Variants in LPAR1 observed in about 807,000 individuals in gnomAD.
The protein encoded by LPAR1 is LPA receptor 1.
LPAR1 carries 5 observed loss-of-function variants against 23.8 expected under a neutral mutation model. The ratio of observed to expected loss-of-function variants is 0.21; its 90% confidence interval spans 0.11 to 0.44. The LOEUF (loss-of-function observed/expected upper bound fraction) is 0.44, where lower values mean the gene tolerates loss of function less well. Ranked by LOEUF, LPAR1 falls within the 20% of genes least tolerant of loss-of-function variation. LPAR1 has a pLI of 0.99. For missense variants in LPAR1, 311 were observed against 482.8 expected (o/e 0.64, Z 3.33); for synonymous variants, 160 against 164.7 (o/e 0.97, Z 0.22).
chr9:110,874,664 A>T lies in LPAR1; in HGVS notation c.*757T>A, dbSNP rs183610277. On this transcript the variant is annotated 3_prime_UTR_variant, in exon 6 of 6. Transcript: ENST00000683809. ...ATCTTCTATGACTTTTTTGGAATAC[A>T]TATCACTTTGGTAATAAACTTACAT... is the stretch of plus-strand genomic sequence containing the variant. The T allele has an allele frequency of 1.3e-5, 2 of 152,742 alleles. No homozygotes were observed. Among genetic ancestry groups the T allele is most frequent in the East Asian group, 1.9e-4 (1 of 5,194 alleles). 9.5% of individuals were successfully genotyped at this position (152,742 alleles called of 1,614,324 possible).
chr9:110,913,762 G>T (rs2092743454), intron 5 of LPAR1, among the ~76,000 whole-genome samples: 1 of 152,174 alleles, frequency 6.6e-6, no homozygotes, highest in Non-Finnish European at 1.5e-5. Context: ...TAGGGTAAGA[G>T]ATTTCTGCTT....
chr9:110,991,526 C>G (rs994987999), intron 2 of LPAR1, among the ~76,000 whole-genome samples: 2 of 152,082 alleles, frequency 1.3e-5, no homozygotes, highest in Non-Finnish European at 2.9e-5. Context: ...TGTATATAAA[C>G]TGTGAGCTGA....
intron 4 of LPAR1, among the ~76,000 whole-genome samples, chr9:110,955,958 T>C (rs1477032647): frequency 6.6e-6 from 1 of 151,528 alleles, no homozygotes; most frequent in Non-Finnish European, 1.5e-5. Context: ...ACTAGAAAGA[T>C]TTCCAATAAA....
At chr9:110,957,475 C>A (rs79899107) in intron 4 of LPAR1, among the ~76,000 whole-genome samples, 1 of 151,764 alleles carries the variant, frequency 6.6e-6, no homozygotes, top group Non-Finnish European at 1.5e-5. Flanking sequence ...ATTAACAGAA[C>A]GAAGAATAAA....
At chr9:110,991,579 T>TTTGTTGTTGTTGTTGTTGTTG (rs199560980) in intron 2 of LPAR1, among the ~76,000 whole-genome samples, 1 of 72,934 alleles carries the variant, frequency 1.4e-5, no homozygotes, top group South Asian at 5.1e-4. Flanking sequence ...TCTGGTTTGT[T>TTTGTTGTTGTTGTTGTTGTTG]TTGTTGTTGT....
At chr9:110,922,831 T>TATTATTATTATTATA (rs2093725971) in intron 5 of LPAR1, among the ~76,000 whole-genome samples, 2 of 143,954 alleles carry the variant, frequency 1.4e-5, no homozygotes, top group Non-Finnish European at 3.0e-5. Flanking sequence ...ATTATATTAT[T>TATTATTATTATTATA]ATTATTATTA....
At chr9:111,004,583 C>T (rs537489777) in intron 2 of LPAR1, among the ~76,000 whole-genome samples, 1 of 152,278 alleles carries the variant, frequency 6.6e-6, no homozygotes, top group Non-Finnish European at 1.5e-5. Context: ...ATTAATCACT[C>T]GTTTTAATTT....
At chr9:110,992,240 C>T (rs374702698) in intron 2 of LPAR1, among the ~76,000 whole-genome samples, 2 of 151,972 alleles carry the variant, frequency 1.3e-5, no homozygotes, top group African/African-American at 4.8e-5. Flanking sequence ...AGATAATATA[C>T]GGATGGCAGA....
chr9:110,910,039 A>G (rs1588267723), intron 5 of LPAR1, among the ~76,000 whole-genome samples: 1 of 152,230 alleles, frequency 6.6e-6, no homozygotes, highest in African/African-American at 2.4e-5. Flanking sequence ...ATGAGCCACC[A>G]CATCTGGCCC....
intron 5 of LPAR1, among the ~76,000 whole-genome samples, chr9:110,894,859 T>TAAA (rs146716017): frequency 6.9e-6 from 1 of 144,108 alleles, no homozygotes; most frequent in Admixed American, 7.0e-5. Context: ...CCAGAAAAAG[T>TAAA]AAAAAAAAAA....
chr9:110,972,310 A>C (rs928332551), intron 3 of LPAR1, 90 bp from the exon 4 acceptor site: 10 of 581,264 alleles, frequency 1.7e-5, no homozygotes, highest in African/African-American at 3.8e-5. Context: ...AAGAATCCCT[A>C]GACATCAAGT....
rs527804924 is a variant in LPAR1 at position 110,997,294 on chromosome 9, A to G, written c.-181-23736T>C. Among the ~76,000 whole-genome samples, 17 of 152,332 alleles carry G rather than the reference A, an allele frequency of 1.1e-4. No individual in the cohort carries two copies. The East Asian group carries it at 3.3e-3, about 29-fold the overall frequency. On this transcript the variant is annotated intron_variant, in intron 2 of 5. Transcript: ENST00000683809. ...TCAGATAGGTTACAGAAGATTATAA[A>G]GAACAAGAGTCATGGATTAAAGTAA...
At chr9:110,889,380 G>T (rs10125092) in intron 5 of LPAR1, among the ~76,000 whole-genome samples, 2,706 of 151,878 alleles carry the variant, frequency 0.018, 76 homozygotes, top group African/African-American at 0.061. Context: ...AATAAATAAA[G>T]AAAGAAAAAA....
chr9:111,002,737 T>C (rs954750996), intron 2 of LPAR1, among the ~76,000 whole-genome samples: 1 of 152,196 alleles, frequency 6.6e-6, no homozygotes, highest in Non-Finnish European at 1.5e-5. Flanking sequence ...CTAAGGCTAA[T>C]GGAACAAAGC....
chr9:110,899,756 G>T (rs903640216), intron 5 of LPAR1, among the ~76,000 whole-genome samples: 4 of 152,176 alleles, frequency 2.6e-5, no homozygotes, highest in African/African-American at 9.7e-5. Context: ...ACTTTGGGTA[G>T]CAAGAGTATG....
At chr9:110,972,649 T>C (rs757466770) in intron 3 of LPAR1, among the ~76,000 whole-genome samples, 2 of 152,102 alleles carry the variant, frequency 1.3e-5, no homozygotes, top group Non-Finnish European at 2.9e-5. Context: ...CAGTGGATAC[T>C]TGAAACTGGA....
chr9:110,952,741 T>C (rs1314225752), intron 4 of LPAR1, among the ~76,000 whole-genome samples: 3 of 151,928 alleles, frequency 2.0e-5, no homozygotes, highest in African/African-American at 4.8e-5. Flanking sequence ...GCACAGCCAT[T>C]GCCACCCCCA....
intron 5 of LPAR1, among the ~76,000 whole-genome samples, chr9:110,938,441 C>A (rs1343817927): frequency 6.6e-6 from 1 of 152,150 alleles, no homozygotes; most frequent in African/African-American, 2.4e-5. Context: ...TTCCTACCAG[C>A]ACCATGACGG....
chr9:111,015,898 C>T (rs1019349061), intron 2 of LPAR1, among the ~76,000 whole-genome samples: 26 of 151,728 alleles, frequency 1.7e-4, no homozygotes, highest in African/African-American at 5.6e-4. Context: ...TCCCATGGTT[C>T]CCCATTGCCC....
Sources: allele counts gnomAD v4.1 joint callset (sites outside exome capture counted in the v4.1 genomes callset), GRCh38; gene constraint gnomAD v4.1.1; transcripts MANE v1.5; gene names NCBI Gene and HGNC (gene_info 2026-07-23, HGNC 2026-07-21).